The following RBSN variants were observed in gnomAD, a reference collection of about 807,000 sequenced individuals.
RBSN encodes the protein rabenosyn, RAB effector.
RBSN carries 34 observed loss-of-function variants against 60.5 expected under a neutral mutation model. That is an observed-to-expected ratio of 0.56 (90% CI 0.43 to 0.75). The LOEUF is 0.75. Among genes scored for constraint, RBSN ranks in the 30% least tolerant of loss-of-function variants. The pLI, the probability that RBSN is intolerant of heterozygous loss-of-function variation, is 0.00. For synonymous variants in RBSN, 322 were observed against 366.9 expected, an observed-to-expected ratio of 0.88 and a Z score of 1.40; for missense variants, 845 against 986.8, an observed-to-expected ratio of 0.86 and a Z score of 1.92.
At chr3:15,079,552 A>G (rs1220553657) in intron 10 of RBSN, among the ~76,000 whole-genome samples, 1 of 152,248 alleles carries the variant, frequency 6.6e-6, no homozygotes, top group African/African-American at 2.4e-5. Flanking sequence ...ATGTTCATCA[A>G]CTGATGGATA....
Position 15,078,055 on chromosome 3 carries a change from T to C in RBSN, c.998+20A>G, listed in dbSNP as rs778843147. 3 of 1,608,616 alleles carry C rather than the reference T, an allele frequency of 1.9e-6. No homozygotes were observed. The highest frequency in any genetic ancestry group is 2.6e-6 in the Non-Finnish European group (3 of 1,175,022). ...TTCTCCATTCCACCAGCGGGCAGGA[T>C]ACCACTTAATGGACCTTACCTTAAA... On this transcript the variant is annotated intron_variant, in intron 11 of 13. Coordinates refer to ENST00000253699, the MANE Select transcript of RBSN (RefSeq NM_022340.4).
rs760562801 is a variant in RBSN, at chr3:15,073,878, G to C, written c.2259C>G (p.Ala753=). 4 of 1,613,900 alleles carry C rather than the reference G, an allele frequency of 2.5e-6. No homozygotes were observed. In the African/African-American group the frequency reaches 5.3e-5, roughly 22 times the overall value. Residue 753 remains alanine, a synonymous_variant, in exon 14 of 14, where the codon GCC becomes GCG. Coordinates refer to ENST00000253699, the MANE Select transcript of RBSN (RefSeq NM_022340.4). ...IDNIKAYIFD[A]KQCGRLDEVE... ...CCTCATCCAGGCGGCCGCACTGCTT[G>C]GCATCAAAGATGTATGCCTTGATGT...
intron 10 of RBSN, 34 bp downstream of exon 10, chr3:15,080,698 C>T: frequency 1.2e-6 from 2 of 1,601,850 alleles, no homozygotes; most frequent in Non-Finnish European, 1.7e-6. Context: ...AAACAGTCAC[C>T]ACTGGATTAG....
chr3:15,090,087 G>A (rs924904702), intron 5 of RBSN, among the ~76,000 whole-genome samples: 27 of 152,272 alleles, frequency 1.8e-4, no homozygotes, highest in African/African-American at 6.3e-4. Flanking sequence ...TGCCTGGGCT[G>A]ACGTCAGAGA....
intron 5 of RBSN, 113 bp from the exon 6 acceptor site, chr3:15,086,074 G>A (rs1418481679): frequency 1.0e-5 from 4 of 393,676 alleles, no homozygotes; most frequent in African/African-American, 5.0e-5. Context: ...TCAACATAGC[G>A]AGACCCCGTC....
Position 15,096,716 on chromosome 3 carries a change from T to C in RBSN, c.-344-6A>G, listed in dbSNP as rs765650044. 2 of 152,164 alleles carry C rather than the reference T, an allele frequency of 1.3e-5. No individual in the cohort carries two copies. The highest frequency in any genetic ancestry group is 2.9e-5 in the Non-Finnish European group (2 of 68,036). The allele number at this position is 152,164 out of a possible 1,614,324, so 9.4% of individuals were successfully genotyped here. A position where few individuals can be genotyped will look rare whatever the true frequency, so the allele number is the denominator to read the frequency against. ...TCTTGATACTTGTAAGACACCTGTG[T>C]TAGAAATGCAAAGATGAAAAAGATA... is the stretch of plus-strand genomic sequence containing the variant. On this transcript the variant is annotated splice_region_variant and splice_polypyrimidine_tract_variant and intron_variant, in intron 2 of 13. Coordinates refer to ENST00000253699, the MANE Select transcript of RBSN (RefSeq NM_022340.4).
At chr3:15,080,912 CATTA>C (rs1014400610) in intron 9 of RBSN, 110 bp from the exon 10 acceptor site, 9 of 867,378 alleles carry the variant, frequency 1.0e-5, no homozygotes, top group Middle Eastern at 2.3e-4. Context: ...TTTTCTAACA[CATTA>C]ATTGTTGTTA....
chr3:15,075,526 C>T, intron 13 of RBSN, 80 bp downstream of exon 13: 1 of 1,164,938 alleles, frequency 8.6e-7, no homozygotes, highest in Non-Finnish European at 1.3e-6. Context: ...TACAACCGCA[C>T]ACAACCTGGG....
intron 5 of RBSN, among the ~76,000 whole-genome samples, chr3:15,087,613 A>G (rs2043381609): frequency 6.6e-6 from 1 of 151,690 alleles, no homozygotes; most frequent in Non-Finnish European, 1.5e-5. Context: ...GCATCTCCAC[A>G]TGCTATACTC....
intron 4 of RBSN, chr3:15,091,359 A>T: frequency 9.1e-7 from 1 of 1,102,302 alleles, no homozygotes; most frequent in Non-Finnish European, 1.1e-6. Flanking sequence ...GGATTCAGCT[A>T]AACCTCCATC....
At position 15,087,193 on chromosome 3, in the gene RBSN, G is replaced by A. The variant is rs147142094; in HGVS notation, c.290-1232C>T. 5.3e-3 allele frequency among the ~76,000 whole-genome samples: 800 copies of A among 152,236 alleles called. 4 individuals carry two copies. The highest frequency in any genetic ancestry group is 8.4e-3 in the Admixed American group (128 of 15,278). ...TGACAATACAAAGTCTACTCTCACT[G>A]ATTTTCAAGAATACGAGATATTTTT... On this transcript the variant is annotated intron_variant, in intron 5 of 13. Transcript: ENST00000253699.
rs1464935348 is a variant in RBSN, at chr3:15,084,487, A to G, written c.598+248T>C. Among the ~76,000 whole-genome samples the G allele has an allele frequency of 2.0e-5, 3 of 152,212 alleles. No homozygotes were observed. The East Asian group carries it at 5.8e-4, about 29-fold the overall frequency. On this transcript the variant is annotated intron_variant, in intron 8 of 13. Transcript: ENST00000253699. This position sits in a 1 kb window ranked among gnomAD's most constrained non-coding sequence, Gnocchi z 4.2. ...TCACAGCAACCATATGTGGCCCACA[A>G]AGCCTAAATGTATTTACTATCTGAT... is the stretch of plus-strand genomic sequence containing the variant.
Position 15,090,100 on chromosome 3 carries a change from T to G in RBSN, c.289+299A>C, listed in dbSNP as rs562920210. Among the ~76,000 whole-genome samples the G allele has an allele frequency of 3.9e-5, 6 of 152,268 alleles. No homozygotes were observed. The South Asian group carries it at 1.2e-3, about 32-fold the overall frequency. On this transcript the variant is annotated intron_variant, in intron 5 of 13. Coordinates refer to ENST00000253699, the MANE Select transcript of RBSN (RefSeq NM_022340.4). Reference sequence around the variant, plus strand: ...TATGCCTGGGCTGACGTCAGAGAGATATGGATTCATACCCTACTTCTGCAG... The same window carrying G: ...TATGCCTGGGCTGACGTCAGAGAGAGATGGATTCATACCCTACTTCTGCAG...
In RBSN at chr3:15,074,970, T is replaced by C; in HGVS notation, c.1207-40A>G. 1 of 1,561,722 alleles carries C rather than the reference T, an allele frequency of 6.4e-7. No individual in the cohort carries two copies. Among genetic ancestry groups the C allele is most frequent in the East Asian group, 2.2e-5 (1 of 44,562 alleles). On this transcript the variant is annotated intron_variant, in intron 13 of 13. Coordinates refer to ENST00000253699, the MANE Select transcript of RBSN (RefSeq NM_022340.4). The surrounding 1 kb of genome is among the most constrained non-coding windows in gnomAD (Gnocchi z 6.4). ...AAGCAGAGAGAAGAAACAGTCACTA[T>C]GCTGGCAGCAGCCCACACTGTCACC...
At chr3:15,097,515 CA>C (rs1053002214) in intron 2 of RBSN, among the ~76,000 whole-genome samples, 22 of 151,296 alleles carry the variant, frequency 1.5e-4, no homozygotes, top group African/African-American at 5.4e-4. Context: ...AACTCCATCT[CA>C]AAAAAGTAAA....
chr3:15,074,739 G>A lies in RBSN; in HGVS notation c.1398C>T (p.Ile466=), dbSNP rs756295565. The A allele has an allele frequency of 1.2e-6, 2 of 1,614,276 alleles. No individual in the cohort carries two copies. The highest frequency in any genetic ancestry group is 1.7e-6 in the Non-Finnish European group (2 of 1,180,050). ...SDPLLQQIHN[I]TSFIRQAKAA... ...CCTTGGCCTGCCTGATGAATGATGT[G>A]ATGTTGTGGATCTGCTGGAGGAGCG... Residue 466 remains isoleucine (I), a synonymous_variant, in exon 14 of 14, where the codon ATC becomes ATT. Transcript: ENST00000253699. This position sits in a 1 kb window ranked among gnomAD's most constrained non-coding sequence, Gnocchi z 6.4.
intron 9 of RBSN, among the ~76,000 whole-genome samples, chr3:15,081,920 G>A (rs1207222821): frequency 1.3e-5 from 2 of 152,170 alleles, no homozygotes; most frequent in Non-Finnish European, 2.9e-5. Context: ...AAACTTAGAA[G>A]GGGACACTCA....
At chr3:15,075,115 C>A in intron 13 of RBSN, 185 bp from the exon 14 acceptor site, 1 of 693,668 alleles carries the variant, frequency 1.4e-6, no homozygotes, top group Non-Finnish European at 2.4e-6. Context: ...GGAAGGGAGA[C>A]CCTGATTTTC....
chr3:15,079,118 G>A (rs1464788779), intron 10 of RBSN, among the ~76,000 whole-genome samples: 3 of 152,100 alleles, frequency 2.0e-5, no homozygotes, highest in South Asian at 2.1e-4. Flanking sequence ...TTTCCATAAG[G>A]AGCCGAATCA....
Sources: allele counts gnomAD v4.1 joint callset (sites outside exome capture counted in the v4.1 genomes callset), GRCh38; gene constraint gnomAD v4.1.1; non-coding constraint Gnocchi (gnomAD v3.1); transcripts MANE v1.5; gene names NCBI Gene and HGNC (gene_info 2026-07-23, HGNC 2026-07-21).